The following SNAP23 variants were observed in gnomAD, a reference collection of about 807,000 sequenced individuals.
The protein encoded by SNAP23 is synaptosome associated protein 23, also known as synaptosomal-associated protein 23.
Under a neutral mutation model 29.0 loss-of-function variants are expected in SNAP23, and 11 were observed. The observed-to-expected ratio is 0.38, with a 90% confidence interval of 0.24 to 0.63. The LOEUF (loss-of-function observed/expected upper bound fraction) is 0.63, where lower values mean the gene tolerates loss of function less well. Among genes scored for constraint, SNAP23 ranks in the 20% least tolerant of loss-of-function variants. SNAP23 has a pLI of 0.58. For missense variants in SNAP23, 220 were observed against 253.9 expected (o/e 0.87, Z 0.91); for synonymous variants, 60 against 82.9 (o/e 0.72, Z 1.50).
In SNAP23 at chr15:42,499,923, C is replaced by T. The variant is rs566884418; in HGVS notation, c.-15+4210C>T. Among the ~76,000 whole-genome samples, 135 of 152,204 alleles carry T rather than the reference C, an allele frequency of 8.9e-4. 1 individual carries two copies. The highest frequency in any genetic ancestry group is 3.1e-3 in the African/African-American group (130 of 41,508). ...CTTTGAGAGTCTGAGGCAGGAGGAT[C>T]GCTTGAGCCCAGGAGTTTGAGACCA... is the stretch of plus-strand genomic sequence containing the variant. On this transcript the variant is annotated intron_variant, in intron 1 of 7. Transcript: ENST00000249647.
chr15:42,514,513 A>G (rs1381103943), intron 4 of SNAP23, among the ~76,000 whole-genome samples: 1 of 152,114 alleles, frequency 6.6e-6, no homozygotes, highest in Non-Finnish European at 1.5e-5. Context: ...AGATTCAGGT[A>G]TGCTTGGAAA....
At chr15:42,506,327 T>G (rs756857758) in intron 1 of SNAP23, among the ~76,000 whole-genome samples, 1 of 151,984 alleles carries the variant, frequency 6.6e-6, no homozygotes, top group Admixed American at 6.6e-5. Context: ...AGCCCTGAAC[T>G]CCCAGGCTCA....
At chr15:42,507,057 G>GTCC (rs1296631349) in intron 1 of SNAP23, among the ~76,000 whole-genome samples, 1 of 152,078 alleles carries the variant, frequency 6.6e-6, no homozygotes, top group Non-Finnish European at 1.5e-5. Context: ...GCCTCAAGCA[G>GTCC]TCCTCCTGCC....
chr15:42,493,881 A>G (rs1176648831), upstream of SNAP23, among the ~76,000 whole-genome samples: 1 of 152,028 alleles, frequency 6.6e-6, no homozygotes, highest in East Asian at 1.9e-4. Flanking sequence ...ACATACAGAA[A>G]CATACTTCCT....
intron 1 of SNAP23, among the ~76,000 whole-genome samples, chr15:42,510,013 G>C (rs4924685): frequency 4.6e-5 from 7 of 152,228 alleles, no homozygotes; most frequent in Admixed American, 4.6e-4. Context: ...AAGGTGCAGT[G>C]AGTCAGGGTT....
intron 1 of SNAP23, among the ~76,000 whole-genome samples, chr15:42,502,367 G>A (rs534832591): frequency 1.3e-5 from 2 of 152,180 alleles, no homozygotes; most frequent in South Asian, 2.1e-4. Context: ...TCTTAATATC[G>A]GAATATTTGA....
intron 1 of SNAP23, among the ~76,000 whole-genome samples, chr15:42,504,529 T>C (rs2057302159): frequency 6.6e-6 from 1 of 152,228 alleles, no homozygotes; most frequent in Non-Finnish European, 1.5e-5. Context: ...TTCAACATTG[T>C]TACTTTCCTT....
chr15:42,531,239 G>A (rs1478248942), intron 7 of SNAP23, among the ~76,000 whole-genome samples, 174 bp from the exon 8 acceptor site: 2 of 152,036 alleles, frequency 1.3e-5, no homozygotes, highest in Admixed American at 1.3e-4. Flanking sequence ...TATATACCAG[G>A]GGTTTTCCAA....
intron 5 of SNAP23, chr15:42,527,804 CA>C (rs1265485173): frequency 6.4e-6 from 1 of 156,182 alleles, no homozygotes; most frequent in African/African-American, 2.4e-5. Context: ...CTTATTCTGT[CA>C]TCCCTTGTCA....
intron 1 of SNAP23, among the ~76,000 whole-genome samples, chr15:42,507,559 A>AT (rs1277585252): frequency 2.0e-5 from 3 of 152,210 alleles, no homozygotes; most frequent in African/African-American, 7.2e-5. Context: ...AGTACGTTTA[A>AT]TGGCATCTTT....
At position 42,511,846 on chromosome 15, in the gene SNAP23, C is replaced by G. The variant is rs564634418; in HGVS notation, c.-1C>G. ...TGTGCCTAATAGAGTTTTGATTCAT[C>G]ATGGATAATCTGTCATCAGAAGAAA... On this transcript the variant is annotated 5_prime_UTR_variant, in exon 2 of 8. In the 5' UTR this introduces an upstream ATG that the reference lacks. Coordinates refer to ENST00000249647, the MANE Select transcript of SNAP23 (RefSeq NM_003825.4). The G allele has an allele frequency of 1.3e-6, 2 of 1,582,996 alleles. No homozygotes were observed. The highest frequency in any genetic ancestry group is 2.7e-5 in the African/African-American group (2 of 74,244).
chr15:42,510,400 T>A (rs982047060), intron 1 of SNAP23, among the ~76,000 whole-genome samples: 6 of 152,164 alleles, frequency 3.9e-5, no homozygotes, highest in Non-Finnish European at 8.8e-5. Flanking sequence ...CCTCCCAAAG[T>A]GCTAGGATTC....
chr15:42,528,216 G>A lies in SNAP23; in HGVS notation c.267-46G>A, dbSNP rs367568131. ...CAGGCACTAATAATTAGAACTCTCC[G>A]TCTTCTTTTTTTTGGTATCTCCCTA... On this transcript the variant is annotated intron_variant, in intron 5 of 7. Transcript: ENST00000249647. 9.4e-5 allele frequency: 147 copies of A among 1,559,148 alleles called. No individual in the cohort carries two copies. In the East Asian group the frequency reaches 1.3e-3, roughly 14 times the overall value.
chr15:42,521,944 C>T (rs41277694), intron 5 of SNAP23: 6 of 304,956 alleles, frequency 2.0e-5, no homozygotes, highest in East Asian at 5.4e-5. Flanking sequence ...AACAATACTC[C>T]TGGAGTTTCT....
intron 1 of SNAP23, among the ~76,000 whole-genome samples, chr15:42,503,075 A>G (rs1260936634): frequency 6.6e-6 from 1 of 151,732 alleles, no homozygotes; most frequent in Non-Finnish European, 1.5e-5. Context: ...AGGCCTGAAA[A>G]TGTAATTTTG....
intron 1 of SNAP23, among the ~76,000 whole-genome samples, chr15:42,497,840 G>A (rs1160086065): frequency 6.6e-6 from 1 of 152,224 alleles, no homozygotes. Context: ...AAGATGCTAT[G>A]GGGGAATAGG....
chr15:42,498,350 G>A (rs1053501237), intron 1 of SNAP23, among the ~76,000 whole-genome samples: 3 of 152,170 alleles, frequency 2.0e-5, no homozygotes, highest in Non-Finnish European at 4.4e-5. Flanking sequence ...CTGAAATCTA[G>A]ACAGAGGTTC....
intron 1 of SNAP23, among the ~76,000 whole-genome samples, chr15:42,499,367 C>T (rs529205174): frequency 1.3e-5 from 2 of 152,146 alleles, no homozygotes; most frequent in Non-Finnish European, 2.9e-5. Context: ...CCACCGCGCC[C>T]GGTCTAAGGT....
intron 5 of SNAP23, among the ~76,000 whole-genome samples, chr15:42,518,028 T>G (rs2057411550): frequency 6.6e-6 from 1 of 152,110 alleles, no homozygotes; most frequent in African/African-American, 2.4e-5. Context: ...TTCTTTCTTT[T>G]TTTTTTTCTG....
Sources: allele counts gnomAD v4.1 joint callset (sites outside exome capture counted in the v4.1 genomes callset), GRCh38; gene constraint gnomAD v4.1.1; transcripts MANE v1.5; gene names NCBI Gene and HGNC (gene_info 2026-07-23, HGNC 2026-07-21).